Variants in SNTG1 observed in about 807,000 individuals in gnomAD.
The protein encoded by SNTG1 is gamma-1-syntrophin.
SNTG1 carries 39 observed loss-of-function variants against 74.7 expected under a neutral mutation model. The observed-to-expected ratio is 0.52, with a 90% CI of 0.40 to 0.68. SNTG1 has a LOEUF of 0.68. Among genes scored for constraint, SNTG1 ranks in the 30% least tolerant of loss-of-function variants. The pLI is 0.00. For synonymous variants in SNTG1, 254 were observed against 217.1 expected, an observed-to-expected ratio of 1.17 and a Z score of -1.49; for missense variants, 685 against 609.5, an observed-to-expected ratio of 1.12 and a Z score of -1.30.
intron 13 of SNTG1, among the ~76,000 whole-genome samples, chr8:50,619,910 G>GA (rs779432001): frequency 0.088 from 9,008 of 102,032 alleles, 353 homozygotes; most frequent in African/African-American, 0.13. Context: ...CATGTCTGCA[G>GA]AAAAAAAAAA....
At chr8:50,543,240 G>T (rs948550564) in intron 11 of SNTG1, among the ~76,000 whole-genome samples, 1 of 152,078 alleles carries the variant, frequency 6.6e-6, no homozygotes, top group African/African-American at 2.4e-5. Context: ...AATCCATTTT[G>T]ATTTTATTTT....
chr8:50,553,026 C>G, intron 11 of SNTG1, 24 bp from the exon 12 acceptor site: 2 of 1,611,878 alleles, frequency 1.2e-6, no homozygotes, highest in Non-Finnish European at 1.7e-6. Flanking sequence ...AGGTTTTGAT[C>G]TGATTTGTTC....
At chr8:49,911,005 T>A (rs189679193), upstream of SNTG1, 11 of 152,364 alleles carry the variant, frequency 7.2e-5, no homozygotes, top group Non-Finnish European at 1.5e-4. Context: ...TCTGAGAGGC[T>A]CTGCAACGAT....
intron 1 of SNTG1, among the ~76,000 whole-genome samples, chr8:49,936,865 C>T (rs1009438520): frequency 4.6e-5 from 7 of 152,102 alleles, no homozygotes; most frequent in Admixed American, 2.6e-4. Flanking sequence ...AACAGTTATC[C>T]TGGCTGGGTA....
At chr8:50,684,606 A>G (rs1268945668) in intron 15 of SNTG1, among the ~76,000 whole-genome samples, 1 of 152,108 alleles carries the variant, frequency 6.6e-6, no homozygotes, top group Non-Finnish European at 1.5e-5. Context: ...CAATGATAAA[A>G]AGGGTTTTAA....
At chr8:50,526,521 C>T (rs1269105025) in intron 9 of SNTG1, among the ~76,000 whole-genome samples, 1 of 152,010 alleles carries the variant, frequency 6.6e-6, no homozygotes, top group Non-Finnish European at 1.5e-5. Context: ...TATATTGTTG[C>T]AAAGTTGGTG....
chr8:50,649,931 A>G lies in SNTG1; in HGVS notation c.850-6978A>G, dbSNP rs182251475. The stretch of plus-strand genomic sequence containing the variant: ...TTTTGTGTTTTCTATATATAAATTC[A>G]TATTATCAATGAAAATCATGGACTT... On this transcript the variant is annotated intron_variant, in intron 13 of 18. Coordinates refer to ENST00000642720, the MANE Select transcript of SNTG1 (RefSeq NM_018967.5). Among the ~76,000 whole-genome samples the G allele has an allele frequency of 1.9e-3, 295 of 151,940 alleles. 2 individuals carry two copies. The highest frequency in any genetic ancestry group is 9.7e-3 in the South Asian group (47 of 4,828).
At chr8:50,414,288 G>C (rs1030879122) in intron 4 of SNTG1, among the ~76,000 whole-genome samples, 1 of 152,172 alleles carries the variant, frequency 6.6e-6, no homozygotes, top group Non-Finnish European at 1.5e-5. Flanking sequence ...GGCCACACAG[G>C]TAGAGACAAT....
intron 5 of SNTG1, 57 bp downstream of exon 5, chr8:50,438,656 G>A: frequency 7.0e-7 from 1 of 1,424,984 alleles, no homozygotes; most frequent in Non-Finnish European, 9.9e-7. Context: ...GCTGAACTTT[G>A]GTGCATTTCA....
At chr8:50,447,784 A>C (rs1016174576) in intron 5 of SNTG1, among the ~76,000 whole-genome samples, 1 of 152,208 alleles carries the variant, frequency 6.6e-6, no homozygotes, top group African/African-American at 2.4e-5. Context: ...CATGTTAGAC[A>C]CTGATAACTG....
intron 1 of SNTG1, among the ~76,000 whole-genome samples, chr8:50,102,832 C>T (rs1028003796): frequency 3.3e-5 from 5 of 149,290 alleles, no homozygotes; most frequent in Non-Finnish European, 7.5e-5. Flanking sequence ...TTCCCCATTG[C>T]TTGTTTTTGT....
chr8:50,421,546 A>G (rs2093087667), intron 4 of SNTG1, among the ~76,000 whole-genome samples: 1 of 152,126 alleles, frequency 6.6e-6, no homozygotes, highest in Admixed American at 6.6e-5. Context: ...TATGACCTGT[A>G]TCTTGTGCCA....
intron 8 of SNTG1, 137 bp from the exon 9 acceptor site, chr8:50,502,641 C>T: frequency 1.5e-6 from 1 of 653,654 alleles, no homozygotes; most frequent in Non-Finnish European, 2.6e-6. Flanking sequence ...AATTAGCTCC[C>T]TCTATCTTTT....
chr8:49,913,418 G>C (rs976378698), intron 1 of SNTG1, among the ~76,000 whole-genome samples: 5 of 152,120 alleles, frequency 3.3e-5, no homozygotes, highest in Admixed American at 1.3e-4. Context: ...AAAAATCATT[G>C]GAGGCCGTTA....
chr8:50,550,115 A>G (rs1389907426), intron 11 of SNTG1, among the ~76,000 whole-genome samples: 2 of 152,124 alleles, frequency 1.3e-5, no homozygotes, highest in African/African-American at 4.8e-5. Context: ...TATCATCTCA[A>G]GTTTTACCAG....
At chr8:50,343,722 G>A (rs1038911711) in intron 2 of SNTG1, among the ~76,000 whole-genome samples, 16 of 152,082 alleles carry the variant, frequency 1.1e-4, no homozygotes, top group South Asian at 2.1e-4. Flanking sequence ...TGATTCTTAC[G>A]TGATCACCAT....
chr8:50,064,853 T>C (rs1820774492), intron 1 of SNTG1, among the ~76,000 whole-genome samples: 1 of 152,168 alleles, frequency 6.6e-6, no homozygotes, highest in Non-Finnish European at 1.5e-5. Context: ...CCTGCAACCC[T>C]TGATGCTCTT....
At chr8:50,565,967 A>AT (rs967874365) in intron 12 of SNTG1, among the ~76,000 whole-genome samples, 5 of 151,936 alleles carry the variant, frequency 3.3e-5, no homozygotes, top group Non-Finnish European at 7.4e-5. Context: ...AATGGATATT[A>AT]TTTTTTTACG....
chr8:50,274,968 G>C (rs777934209), intron 2 of SNTG1, among the ~76,000 whole-genome samples: 1 of 152,078 alleles, frequency 6.6e-6, no homozygotes, highest in Non-Finnish European at 1.5e-5. Flanking sequence ...TGTTGAATTT[G>C]ATTTGCCAAT....
Sources: gnomAD v4.1 joint callset for allele counts (sites outside exome capture counted in the v4.1 genomes callset) on GRCh38, gnomAD v4.1.1 for gene constraint, MANE v1.5 for transcripts, NCBI Gene and HGNC (gene_info 2026-07-23, HGNC 2026-07-21) for gene names.